Variants in C6orf89 observed in about 807,000 individuals in gnomAD.
C6orf89 encodes bombesin receptor-activated protein C6orf89.
Under a neutral mutation model 40.7 loss-of-function variants are expected in C6orf89, and 29 were observed. The observed-to-expected ratio is 0.71, with a 90% confidence interval of 0.53 to 0.97. The LOEUF is 0.97. Ranked by LOEUF, C6orf89 falls within the 50% of genes least tolerant of loss-of-function variation. The pLI is 0.00. For missense variants in C6orf89, 392 were observed against 429.1 expected (o/e 0.91, Z 0.76); for synonymous variants, 165 against 152.2 (o/e 1.08, Z -0.62).
At chr6:36,898,096 C>T (rs1761509300) in intron 2 of C6orf89, among the ~76,000 whole-genome samples, 1 of 150,954 alleles carries the variant, frequency 6.6e-6, no homozygotes, top group African/African-American at 2.4e-5. Flanking sequence ...TATTTTATTT[C>T]TCTAGAGATG....
intron 2 of C6orf89, among the ~76,000 whole-genome samples, chr6:36,896,215 C>G (rs1325629726): frequency 2.6e-5 from 4 of 152,166 alleles, no homozygotes; most frequent in Non-Finnish European, 5.9e-5. Flanking sequence ...TCAAGTGATT[C>G]TTCTGCCTCA....
chr6:36,919,781 G>GC, intron 8 of C6orf89, 80 bp downstream of exon 8: 2 of 1,417,570 alleles, frequency 1.4e-6, no homozygotes, highest in Non-Finnish European at 1.9e-6. Flanking sequence ...ATCACATACT[G>GC]CCTTCACAAA....
chr6:36,920,241 T>C (rs1307315274), intron 8 of C6orf89, among the ~76,000 whole-genome samples: 2 of 152,240 alleles, frequency 1.3e-5, no homozygotes, highest in Non-Finnish European at 1.5e-5. Context: ...CAGCCTCACA[T>C]TGATGACTCA....
chr6:36,902,341 A>AT lies in C6orf89; in HGVS notation c.312dup (p.Arg105Ter). Reference sequence around the variant, plus strand: ...CACCTGGCGCTCACTCATCCATCACATTAGGCTGATGTCCTTGCCCATTGC... The same window carrying AT: ...CACCTGGCGCTCACTCATCCATCACATTTAGGCTGATGTCCTTGCCCATTGC... On this transcript the variant is annotated frameshift_variant, in exon 4 of 9. Transcript: ENST00000480824. LOFTEE classifies it high-confidence loss of function. 1 of 1,614,210 alleles carries AT rather than the reference A, an allele frequency of 6.2e-7. No individual in the cohort carries two copies.
At chr6:36,883,428 C>T (rs918676093), upstream of C6orf89, 1 of 152,106 alleles carries the variant, frequency 6.6e-6, no homozygotes, top group Non-Finnish European at 1.5e-5. Context: ...GATCATAGAT[C>T]AAAACTTCTA....
rs1762662823 is a variant in C6orf89 at position 36,925,969 on chromosome 6, T to A, written c.*2528T>A. The stretch of plus-strand genomic sequence containing the variant: ...TAAAGAGAGGGGGTGGTTTACAAGT[T>A]TATTGAGCATTTACTAGGAAGTGAC... On this transcript the variant is annotated 3_prime_UTR_variant, in exon 9 of 9. Coordinates refer to ENST00000480824, the MANE Select transcript of C6orf89 (RefSeq NM_001286635.2). 1 of 152,164 alleles carries A rather than the reference T, an allele frequency of 6.6e-6. No individual in the cohort carries two copies. The highest frequency in any genetic ancestry group is 2.1e-4 in the South Asian group (1 of 4,820). The allele number at this position is 152,164 out of a possible 1,614,324, so 9.4% of individuals were successfully genotyped here.
chr6:36,896,757 G>C (rs1761444637), intron 2 of C6orf89, among the ~76,000 whole-genome samples: 1 of 152,064 alleles, frequency 6.6e-6, no homozygotes, highest in East Asian at 1.9e-4. Context: ...CTCCCTCTCT[G>C]TGTTTTCTTC....
At chr6:36,913,990 G>A (rs188554734) in intron 4 of C6orf89, among the ~76,000 whole-genome samples, 4 of 152,144 alleles carry the variant, frequency 2.6e-5, no homozygotes, top group East Asian at 1.9e-4. Context: ...GCAAGACCCC[G>A]TTTCAACTAA....
Position 36,923,478 on chromosome 6 carries a change from G to C in C6orf89, c.*37G>C, listed in dbSNP as rs781210982. 6.6e-7 allele frequency: 1 copy of C among 1,518,880 alleles called. No homozygotes were observed. Among genetic ancestry groups the C allele is most frequent in the Non-Finnish European group, 9.1e-7 (1 of 1,093,452 alleles). The allele number at this position is 1,518,880 out of a possible 1,614,324, so 94.1% of individuals were successfully genotyped here. A position where few individuals can be genotyped will look rare whatever the true frequency, so the allele number is the denominator to read the frequency against. ...GTGCACAGGAACAGCTTCCAGAGCCGAAAACCAGGTTGAAAGGGGAAAAAT... is the reference window on the plus strand; with the variant it reads ...GTGCACAGGAACAGCTTCCAGAGCCCAAAACCAGGTTGAAAGGGGAAAAAT... On this transcript the variant is annotated 3_prime_UTR_variant, in exon 9 of 9. Coordinates refer to ENST00000480824, the MANE Select transcript of C6orf89 (RefSeq NM_001286635.2).
At chr6:36,872,811 T>A (rs1404761297) in intron 1 of C6orf89, among the ~76,000 whole-genome samples, 1 of 152,192 alleles carries the variant, frequency 6.6e-6, no homozygotes, top group Non-Finnish European at 1.5e-5. Flanking sequence ...GGTTTCACCA[T>A]GTTGCCCGGG....
intron 1 of C6orf89, among the ~76,000 whole-genome samples, chr6:36,887,094 A>G (rs780818274): frequency 1.3e-5 from 2 of 150,560 alleles, no homozygotes; most frequent in Admixed American, 6.6e-5. Context: ...CCCTCATCAC[A>G]TTGTTGCTAC....
In C6orf89 at chr6:36,924,478, A is replaced by G. The variant is rs1036419522; in HGVS notation, c.*1037A>G. On this transcript the variant is annotated 3_prime_UTR_variant, in exon 9 of 9. Transcript: ENST00000480824. ...CTATGTGATCCTCTGTCTTAAAATG[A>G]TTTCTGTCTGTGCTGCGAAACAAAG... 3 of 152,160 alleles carry G rather than the reference A, an allele frequency of 2.0e-5. No individual in the cohort carries two copies. Among genetic ancestry groups the G allele is most frequent in the African/African-American group, 7.2e-5 (3 of 41,420 alleles). 9.4% of individuals were successfully genotyped at this position (152,160 alleles called of 1,614,324 possible). A position where few individuals can be genotyped will look rare whatever the true frequency, so the allele number is the denominator to read the frequency against.
At chr6:36,915,751 G>C (rs1054131113) in intron 6 of C6orf89, among the ~76,000 whole-genome samples, 3 of 151,630 alleles carry the variant, frequency 2.0e-5, no homozygotes, top group African/African-American at 7.3e-5. Flanking sequence ...AAAGAAAAAT[G>C]GGAAACAGAG....
chr6:36,908,773 TA>T lies in C6orf89; in HGVS notation c.404-5510del, dbSNP rs142437532. ...TCTAGAAGTCAGAAATCCAGGTTGA[TA>T]GGGCCACGTCCCCTCTCAAAGGCTC... On this transcript the variant is annotated intron_variant, in intron 4 of 8. Transcript: ENST00000480824. Among the ~76,000 whole-genome samples the T allele has an allele frequency of 9.1e-3, 1,392 of 152,332 alleles. 16 individuals carry two copies. The highest frequency in any genetic ancestry group is 0.032 in the African/African-American group (1,311 of 41,564).
intron 1 of C6orf89, among the ~76,000 whole-genome samples, chr6:36,890,376 C>T (rs995515993): frequency 3.9e-5 from 6 of 152,084 alleles, no homozygotes; most frequent in Non-Finnish European, 7.3e-5. Flanking sequence ...TTAGATTAAT[C>T]GCACAAGTGG....
chr6:36,886,853 C>T (rs183231041), intron 1 of C6orf89, among the ~76,000 whole-genome samples: 1 of 152,320 alleles, frequency 6.6e-6, no homozygotes, highest in Admixed American at 6.5e-5. Context: ...TAGGGAATAA[C>T]ATGCCTTTAA....
At chr6:36,921,397 TG>T in intron 8 of C6orf89, among the ~76,000 whole-genome samples, 1 of 152,266 alleles carries the variant, frequency 6.6e-6, no homozygotes, top group African/African-American at 2.4e-5. Context: ...CCCTTAAGAA[TG>T]GCACCATGAC....
intron 1 of C6orf89, among the ~76,000 whole-genome samples, chr6:36,887,705 T>C (rs1775047741): frequency 6.6e-6 from 1 of 152,182 alleles, no homozygotes; most frequent in African/African-American, 2.4e-5. Context: ...TAAAGGGCCA[T>C]GGTAAGTAAT....
At chr6:36,875,391 C>T (rs1459000954) in intron 1 of C6orf89, among the ~76,000 whole-genome samples, 2 of 151,968 alleles carry the variant, frequency 1.3e-5, no homozygotes, top group Admixed American at 6.5e-5. Context: ...AATCCAAAGA[C>T]GAGGAGTCTG....
Sources: gnomAD v4.1 joint callset for allele counts (sites outside exome capture counted in the v4.1 genomes callset) on GRCh38, gnomAD v4.1.1 for gene constraint, MANE v1.5 for transcripts, NCBI Gene and HGNC (gene_info 2026-07-23, HGNC 2026-07-21) for gene names.